The following MRNIP variants were observed in gnomAD, a reference collection of about 807,000 sequenced individuals.
MRNIP encodes the protein MRN complex interacting protein, also known as MRN complex-interacting protein.
In MRNIP, 30 loss-of-function variants were observed where a neutral mutation model predicts 29.8. The ratio of observed to expected loss-of-function variants is 1.01; its 90% CI spans 0.75 to 1.36. The LOEUF is 1.36. MRNIP is among the 40% of genes most tolerant of loss of function. The pLI, the probability that MRNIP is intolerant of heterozygous loss-of-function variation, is 0.00. For missense variants in MRNIP, 459 were observed against 423.5 expected (o/e 1.08, Z -0.74); for synonymous variants, 201 against 164.1 (o/e 1.23, Z -1.72).
intron 1 of MRNIP, among the ~76,000 whole-genome samples, chr5:179,855,293 T>G (rs1273524721): frequency 2.6e-5 from 4 of 151,994 alleles, no homozygotes; most frequent in Non-Finnish European, 5.9e-5. Flanking sequence ...TACAGGCACG[T>G]GCCACCACGC....
intron 5 of MRNIP, chr5:179,841,332 G>A (rs892546514): frequency 1.4e-5 from 3 of 220,558 alleles, no homozygotes. Flanking sequence ...GTACAGATAG[G>A]GTCTCCCTAT....
At chr5:179,838,029 T>C (rs1276165238) in intron 6 of MRNIP, 144 bp from the exon 7 acceptor site, 1 of 746,730 alleles carries the variant, frequency 1.3e-6, no homozygotes, top group African/African-American at 1.8e-5. Context: ...GGCTTTGATT[T>C]TGAGGGTTAG....
rs571327246 is a variant in MRNIP, at chr5:179,843,697, G to A, written c.291+455C>T. 6.7e-4 allele frequency among the ~76,000 whole-genome samples: 102 copies of A among 152,098 alleles called. No individual in the cohort carries two copies. The South Asian group carries it at 7.3e-3, about 11-fold the overall frequency. On this transcript the variant is annotated intron_variant, in intron 4 of 6. Coordinates refer to ENST00000292586, the MANE Select transcript of MRNIP (RefSeq NM_016175.4). ...CAAGGCTGCAGAGAACCATGATCGC[G>A]CCACTGCATTCCAGCCTGGGCGACA...
Position 179,840,908 on chromosome 5 carries a change from G to C in MRNIP, c.501C>G (p.Asp167Glu). ...CCCAGGCGACCTCAGAGCCACCCGA[G>C]TCCTGCACGCCACGGCTGCACGGAG... is the stretch of plus-strand genomic sequence containing the variant. Reference protein sequence around the residue: ...VQPPCSRGVQDSGGSEVAWGP... With the variant: ...VQPPCSRGVQESGGSEVAWGP... Residue 167 changes from aspartate to glutamate, a missense_variant, in exon 6 of 7, where the codon GAC (aspartate) becomes GAG (glutamate). By Grantham distance (45) the Asp-to-Glu change is conservative (BLOSUM62 2). Coordinates refer to ENST00000292586, the MANE Select transcript of MRNIP (RefSeq NM_016175.4). 2 of 1,612,202 alleles carry C rather than the reference G, an allele frequency of 1.2e-6. No individual in the cohort carries two copies. The highest frequency in any genetic ancestry group is 2.2e-5 in the East Asian group (1 of 44,864).
At chr5:179,858,688 TC>T in intron 1 of MRNIP, 42 bp downstream of exon 1, 1 of 1,301,208 alleles carries the variant, frequency 7.7e-7, no homozygotes, top group Non-Finnish European at 1.1e-6. Context: ...CCGTCCGCTG[TC>T]CCCGCGCCGG....
intron 3 of MRNIP, chr5:179,846,985 C>T (rs1759162022): frequency 6.6e-6 from 1 of 152,232 alleles, no homozygotes; most frequent in Non-Finnish European, 1.5e-5. Context: ...GCTTCAATCA[C>T]CCCAGCAGCT....
In MRNIP at chr5:179,837,360, G is replaced by A; in HGVS notation, c.*31C>T. 6.3e-7 allele frequency: 1 copy of A among 1,581,794 alleles called. No individual in the cohort carries two copies. The highest frequency in any genetic ancestry group is 1.2e-5 in the South Asian group (1 of 86,052). On this transcript the variant is annotated 3_prime_UTR_variant, in exon 7 of 7. Coordinates refer to ENST00000292586, the MANE Select transcript of MRNIP (RefSeq NM_016175.4). ...GGGAACCCTGTCCCTCCTAACAAGT[G>A]TATCTCGATTAATAACCTGCCAGTC... is the stretch of plus-strand genomic sequence containing the variant.
intron 3 of MRNIP, chr5:179,846,905 C>T (rs1000892504): frequency 2.0e-5 from 3 of 152,114 alleles, no homozygotes; most frequent in Admixed American, 6.6e-5. Context: ...CCCACACTGC[C>T]GTAGGTTTTG....
At position 179,841,935 on chromosome 5, in the gene MRNIP, G is replaced by T. The variant is rs139235798; in HGVS notation, c.421C>A (p.Arg141Ser). The T allele has an allele frequency of 1.2e-6, 2 of 1,614,040 alleles. No homozygotes were observed. Among genetic ancestry groups the T allele is most frequent in the Non-Finnish European group, 8.5e-7 (1 of 1,180,016 alleles). ...PSSKMEEPGP[R>S]FSQDLPRKRK... ...TTTCTAGGCAGGTCTTGACTGAAGC[G>T]GGGGCCTGGCTCCTCCATTTTGGAT... is the stretch of plus-strand genomic sequence containing the variant. The change falls in exon 5 of 7, where the codon CGC (arginine) becomes AGC (serine). Residue 141 changes from arginine (R) to serine (S), a missense_variant. Coordinates refer to ENST00000292586, the MANE Select transcript of MRNIP (RefSeq NM_016175.4).
chr5:179,853,293 G>T, intron 2 of MRNIP, 85 bp downstream of exon 2: 1 of 1,604,490 alleles, frequency 6.2e-7, no homozygotes. Context: ...GAGAGAGGAT[G>T]ATCCCAGCTG....
intron 1 of MRNIP, among the ~76,000 whole-genome samples, chr5:179,854,695 C>T (rs947167290): frequency 2.0e-5 from 3 of 152,094 alleles, no homozygotes; most frequent in East Asian, 1.9e-4. Context: ...ATTCCTGTCT[C>T]GCAAAACCAA....
intron 2 of MRNIP, chr5:179,851,418 G>GCTCC: frequency 2.2e-6 from 1 of 456,030 alleles, no homozygotes; most frequent in South Asian, 1.5e-5. Context: ...GAATCTGACT[G>GCTCC]AACAGTCTGG....
chr5:179,853,960 C>T (rs1047399221), intron 1 of MRNIP, among the ~76,000 whole-genome samples: 1 of 151,676 alleles, frequency 6.6e-6, no homozygotes, highest in African/African-American at 2.4e-5. Flanking sequence ...GATCCACCTG[C>T]CTTGGCCTCC....
intron 1 of MRNIP, among the ~76,000 whole-genome samples, chr5:179,857,150 A>C (rs1473355867): frequency 6.7e-6 from 1 of 149,438 alleles, no homozygotes; most frequent in African/African-American, 2.4e-5. Flanking sequence ...AAACAGGAAA[A>C]CAAACAAGGA....
intron 2 of MRNIP, among the ~76,000 whole-genome samples, chr5:179,852,586 T>C (rs1280112115): frequency 3.3e-5 from 5 of 152,134 alleles, no homozygotes; most frequent in African/African-American, 9.7e-5. Flanking sequence ...CACATGACTA[T>C]GTAACTTCCA....
intron 2 of MRNIP, among the ~76,000 whole-genome samples, chr5:179,849,780 G>A (rs1759280334): frequency 6.6e-6 from 1 of 150,994 alleles, no homozygotes; most frequent in African/African-American, 2.4e-5. Context: ...ATCCTGCAAT[G>A]ACACAGGCAG....
intron 2 of MRNIP, among the ~76,000 whole-genome samples, chr5:179,848,420 A>T (rs1398052660): frequency 6.6e-6 from 1 of 152,250 alleles, no homozygotes; most frequent in Admixed American, 6.5e-5. Flanking sequence ...ACTGCCAAAA[A>T]ATATATGAAA....
At chr5:179,856,809 G>A (rs1321171613) in intron 1 of MRNIP, among the ~76,000 whole-genome samples, 1 of 152,198 alleles carries the variant, frequency 6.6e-6, no homozygotes, top group African/African-American at 2.4e-5. Flanking sequence ...GACCACGAGG[G>A]TCAGGGGCGC....
Position 179,850,787 on chromosome 5 carries a change from G to C in MRNIP, c.126+2591C>G, listed in dbSNP as rs539652188. Among the ~76,000 whole-genome samples, 14 of 152,342 alleles carry C rather than the reference G, an allele frequency of 9.2e-5. 1 individual carries two copies. The South Asian group carries it at 2.9e-3, about 32-fold the overall frequency. On this transcript the variant is annotated intron_variant, in intron 2 of 6. Transcript: ENST00000292586. ...CCCGAAAACTAGATGTCATTTTCCAGTGTGCGTGTGGTCAGGGGTGGCCAC... is the reference window on the plus strand; with the variant it reads ...CCCGAAAACTAGATGTCATTTTCCACTGTGCGTGTGGTCAGGGGTGGCCAC...
Sources: gnomAD v4.1 joint callset for allele counts (sites outside exome capture counted in the v4.1 genomes callset) on GRCh38, gnomAD v4.1.1 for gene constraint, MANE v1.5 for transcripts, NCBI Gene and HGNC (gene_info 2026-07-23, HGNC 2026-07-21) for gene names.